The following ADAM12 variants were observed in gnomAD, a reference collection of about 807,000 sequenced individuals.
ADAM12 encodes disintegrin and metalloproteinase domain-containing protein 12.
ADAM12 carries 70 observed loss-of-function variants against 106.4 expected under a neutral mutation model. The observed-to-expected ratio is 0.66, with a 90% confidence interval of 0.54 to 0.80. The LOEUF is 0.80. Ranked by LOEUF, ADAM12 falls within the 30% of genes least tolerant of loss-of-function variation. The probability of loss-of-function intolerance (pLI) is 0.00; values close to 1 mark genes in which losing one functional copy is unlikely to be tolerated. For synonymous variants in ADAM12, 420 were observed against 433.5 expected (o/e 0.97, Z 0.39); for missense variants, 1,010 against 1,171.9 (o/e 0.86, Z 2.02).
intron 1 of ADAM12, among the ~76,000 whole-genome samples, chr10:126,337,219 G>C (rs1180634665): frequency 6.6e-6 from 1 of 152,214 alleles, no homozygotes; most frequent in Non-Finnish European, 1.5e-5. Flanking sequence ...CAACAGTGCA[G>C]CCTTCAGTCT....
At chr10:126,215,256 C>T (rs1590630720) in intron 3 of ADAM12, among the ~76,000 whole-genome samples, 1 of 152,188 alleles carries the variant, frequency 6.6e-6, no homozygotes, top group African/African-American at 2.4e-5. Context: ...GGATAACACT[C>T]CCCACCAGCA....
rs1954422403 is a variant in ADAM12, at chr10:126,049,615, G to C, written c.1664C>G (p.Pro555Arg). ...CFERVNSAGD[P>R]YGNCGKVSKS... ...CGAGACTTTGCCACAGTTGCCATAAGGATCACCTGCAGAATTGACTCTCTC... is the reference window on the plus strand; with the variant it reads ...CGAGACTTTGCCACAGTTGCCATAACGATCACCTGCAGAATTGACTCTCTC... The change falls in exon 15 of 23, where the codon CCT (proline) becomes CGT (arginine). Residue 555 changes from proline (P) to arginine (R), a missense_variant. Pro to Arg is a moderately radical substitution (Grantham distance 103). Coordinates refer to ENST00000448723, the MANE Select transcript of ADAM12 (RefSeq NM_001288973.2). The surrounding 1 kb of genome is among the most constrained non-coding windows in gnomAD (Gnocchi z 4.4). 6.2e-7 allele frequency: 1 copy of C among 1,614,038 alleles called. No individual in the cohort carries two copies. The highest frequency in any genetic ancestry group is 1.3e-5 in the African/African-American group (1 of 74,904).
At chr10:126,248,688 T>TG (rs199920957) in intron 3 of ADAM12, among the ~76,000 whole-genome samples, 1,158 of 12,782 alleles carry the variant, frequency 0.091, 13 homozygotes, top group East Asian at 0.42. Context: ...TATGTATGTA[T>TG]TTATTTATTT....
chr10:126,194,372 A>G (rs1177089342), intron 3 of ADAM12, among the ~76,000 whole-genome samples: 2 of 152,100 alleles, frequency 1.3e-5, no homozygotes, highest in Non-Finnish European at 2.9e-5. Flanking sequence ...TGAGACAAAT[A>G]AAAGGCAAGG....
At chr10:126,336,871 T>TCCTG (rs1295458356) in intron 1 of ADAM12, among the ~76,000 whole-genome samples, 1 of 152,170 alleles carries the variant, frequency 6.6e-6, no homozygotes, top group Non-Finnish European at 1.5e-5. Flanking sequence ...AGAAGACGCA[T>TCCTG]CCTGCATCCA....
intron 2 of ADAM12, among the ~76,000 whole-genome samples, chr10:126,300,916 C>G (rs1388150617): frequency 2.0e-5 from 3 of 148,328 alleles, no homozygotes; most frequent in Non-Finnish European, 4.6e-5. Context: ...GTCCTCAGGT[C>G]TTTTCAGTTT....
At chr10:126,080,828 A>G (rs2133526399) in intron 11 of ADAM12, among the ~76,000 whole-genome samples, 1 of 152,330 alleles carries the variant, frequency 6.6e-6, no homozygotes, top group Middle Eastern at 3.4e-3. Flanking sequence ...TATTTTAGCC[A>G]TCACAAAGCT....
At chr10:126,321,908 G>GGT (rs1430547803) in intron 2 of ADAM12, among the ~76,000 whole-genome samples, 6 of 143,644 alleles carry the variant, frequency 4.2e-5, no homozygotes, top group African/African-American at 7.5e-5. Flanking sequence ...TGGGGGTCGG[G>GGT]GGGGGGGCTT....
At chr10:126,190,678 A>T (rs2133801979) in intron 3 of ADAM12, among the ~76,000 whole-genome samples, 1 of 152,272 alleles carries the variant, frequency 6.6e-6, no homozygotes, top group Admixed American at 6.5e-5. Flanking sequence ...GAAAGCGACA[A>T]ACACACTAAT....
intron 3 of ADAM12, among the ~76,000 whole-genome samples, chr10:126,196,292 G>A (rs1172140319): frequency 5.9e-5 from 9 of 152,332 alleles, no homozygotes; most frequent in Non-Finnish European, 1.3e-4. Context: ...AAGATAAAGC[G>A]CTAAAGTGAT....
At chr10:126,300,056 T>C (rs889520045) in intron 2 of ADAM12, among the ~76,000 whole-genome samples, 2 of 152,264 alleles carry the variant, frequency 1.3e-5, no homozygotes, top group Non-Finnish European at 2.9e-5. Flanking sequence ...AGAATAAAAA[T>C]ATCTTGAATT....
chr10:126,307,527 A>AT (rs1464835803), intron 2 of ADAM12, among the ~76,000 whole-genome samples: 3 of 151,290 alleles, frequency 2.0e-5, no homozygotes, highest in African/African-American at 7.3e-5. Flanking sequence ...CAATTTTTGT[A>AT]TTTTTTTCTT....
intron 1 of ADAM12, among the ~76,000 whole-genome samples, chr10:126,346,069 G>T (rs1335160203): frequency 1.1e-4 from 16 of 152,102 alleles, no homozygotes; most frequent in Non-Finnish European, 1.3e-4. Flanking sequence ...GCTAGCTTTT[G>T]AATTTGTTTG....
chr10:126,055,919 A>G (rs558668866), intron 14 of ADAM12, among the ~76,000 whole-genome samples: 7 of 152,364 alleles, frequency 4.6e-5, no homozygotes, highest in African/African-American at 1.7e-4. Flanking sequence ...AAACTGGGAC[A>G]ATGGAGGCAG....
intron 1 of ADAM12, among the ~76,000 whole-genome samples, chr10:126,359,135 G>C (rs981766130): frequency 6.6e-6 from 1 of 151,870 alleles, no homozygotes; most frequent in African/African-American, 2.4e-5. Flanking sequence ...GAACAGCATG[G>C]GAATGACCTG....
chr10:126,344,081 C>T (rs1186523200), intron 1 of ADAM12, among the ~76,000 whole-genome samples: 6 of 152,170 alleles, frequency 3.9e-5, no homozygotes, highest in African/African-American at 1.4e-4. Flanking sequence ...GCGTTTTAGA[C>T]ATGAAGTCCT....
intron 11 of ADAM12, among the ~76,000 whole-genome samples, chr10:126,088,453 C>T (rs1955398805): frequency 6.6e-6 from 1 of 151,866 alleles, no homozygotes; most frequent in Non-Finnish European, 1.5e-5. Flanking sequence ...GCATTCCTAG[C>T]ACTACGGGAG....
intron 1 of ADAM12, among the ~76,000 whole-genome samples, chr10:126,374,384 G>A (rs942782507): frequency 2.0e-5 from 3 of 151,954 alleles, no homozygotes; most frequent in Admixed American, 6.6e-5. Flanking sequence ...AGCATCCTAA[G>A]AACTTTAAAT....
intron 5 of ADAM12, among the ~76,000 whole-genome samples, chr10:126,131,104 CTTTTTTTTTTT>C (rs71029289): frequency 0.61 from 61,707 of 100,894 alleles, 16,018 homozygotes; most frequent in Admixed American, 0.65. Flanking sequence ...CAGCTGTCTT[CTTTTTTTTTTT>C]TTTTTTTTTT....
Sources: gnomAD v4.1 joint callset for allele counts (sites outside exome capture counted in the v4.1 genomes callset) on GRCh38, gnomAD v4.1.1 for gene constraint, Gnocchi (gnomAD v3.1) non-coding constraint, MANE v1.5 for transcripts, NCBI Gene and HGNC (gene_info 2026-07-23, HGNC 2026-07-21) for gene names.